The following DMD variants were observed in gnomAD, a reference collection of about 807,000 sequenced individuals.
The protein encoded by DMD is mutant dystrophin.
DMD carries 63 observed loss-of-function variants against 330.1 expected under a neutral mutation model. The ratio of observed to expected loss-of-function variants is 0.19; its 90% confidence interval spans 0.16 to 0.24. DMD has a LOEUF of 0.24. DMD is among the 10% of genes least tolerant of loss of function. DMD has a pLI of 1.00. For missense variants in DMD, 3,344 were observed against 2,684.1 expected (o/e 1.25, Z -5.43); for synonymous variants, 1,223 against 959.8 (o/e 1.27, Z -5.07).
chrX:31,951,439 C>A (rs1249040979), intron 45 of DMD, among the ~76,000 whole-genome samples: 1 of 107,764 alleles, frequency 9.3e-6, no homozygotes, highest in Non-Finnish European at 1.9e-5. Flanking sequence ...TGTATTTTTT[C>A]ACATCTTATT....
chrX:32,280,431 C>T (rs80028273), intron 43 of DMD, among the ~76,000 whole-genome samples: 2 of 109,936 alleles, frequency 1.8e-5, no homozygotes, highest in Non-Finnish European at 3.8e-5. Flanking sequence ...CCTAATTCTA[C>T]CAAGCTCAGA....
At chrX:32,879,021 A>AAAAAAAAAC (rs1352069437) in intron 2 of DMD, among the ~76,000 whole-genome samples, 12 of 101,790 alleles carry the variant, frequency 1.2e-4, no homozygotes, top group Non-Finnish European at 1.8e-4. Flanking sequence ...AAAAAAACAA[A>AAAAAAAAAC]AAACAAAAAA....
chrX:32,870,597 C>G lies in DMD; in HGVS notation c.94-20777G>C, dbSNP rs141633897. 6.1e-3 allele frequency among the ~76,000 whole-genome samples: 679 copies of G among 110,950 alleles called. 1 individual carries two copies. The highest frequency in any genetic ancestry group is 0.021 in the African/African-American group (629 of 30,514). ...ACATAGACCAATGGAACAGAACCAACATCTTGGAAATAAGATCACACATCT... is the reference window on the plus strand; with the variant it reads ...ACATAGACCAATGGAACAGAACCAAGATCTTGGAAATAAGATCACACATCT... On this transcript the variant is annotated intron_variant, in intron 2 of 78. Transcript: ENST00000357033.
chrX:32,656,103 G>T (rs748672148), intron 9 of DMD, among the ~76,000 whole-genome samples: 2 of 112,010 alleles, frequency 1.8e-5, no homozygotes, highest in African/African-American at 6.5e-5. Context: ...TGGCTATCTA[G>T]AAATGTCACT....
At chrX:31,487,281 C>T (rs1446901382) in intron 57 of DMD, among the ~76,000 whole-genome samples, 2 of 104,524 alleles carry the variant, frequency 1.9e-5, no homozygotes, top group East Asian at 6.0e-4. Context: ...TTTTTTGAGA[C>T]GGAGTCTCGC....
At chrX:32,183,476 GTTTTC>G (rs1033450228) in intron 44 of DMD, among the ~76,000 whole-genome samples, 3 of 107,600 alleles carry the variant, frequency 2.8e-5, no homozygotes, top group African/African-American at 1.0e-4. Flanking sequence ...TCAAAATTAT[GTTTTC>G]TTTAATTATT....
At chrX:32,977,962 C>G (rs1261482387) in intron 2 of DMD, among the ~76,000 whole-genome samples, 9 of 111,507 alleles carry the variant, frequency 8.1e-5, no homozygotes, top group African/African-American at 2.9e-4. Context: ...TTCAAAATGC[C>G]AAGTAAAACT....
chrX:32,706,540 G>T (rs1374913737), intron 7 of DMD, among the ~76,000 whole-genome samples: 1 of 109,403 alleles, frequency 9.1e-6, no homozygotes, highest in Admixed American at 9.8e-5. Flanking sequence ...CTCCACCCTG[G>T]GTGAGAGAGT....
chrX:33,044,558 T>C (rs147533530), intron 1 of DMD, among the ~76,000 whole-genome samples: 99 of 112,456 alleles, frequency 8.8e-4, no homozygotes, highest in African/African-American at 2.8e-3. Flanking sequence ...TGCTGGTTTC[T>C]TAAATGACTG....
chrX:33,312,454 T>C (rs187957675), intron 1 of DMD, among the ~76,000 whole-genome samples: 1 of 111,777 alleles, frequency 8.9e-6, no homozygotes, highest in Non-Finnish European at 1.9e-5. Context: ...ACTCATGTCT[T>C]AGAACCCAAA....
chrX:32,596,888 C>T (rs5927086), intron 12 of DMD, among the ~76,000 whole-genome samples: 8,330 of 110,799 alleles, frequency 0.075, 289 homozygotes, highest in Middle Eastern at 0.13. Context: ...TTTTCCCTTC[C>T]GCTCAAACTA....
chrX:32,392,270 A>C (rs966458234), intron 30 of DMD, among the ~76,000 whole-genome samples: 2 of 110,723 alleles, frequency 1.8e-5, no homozygotes, highest in African/African-American at 6.6e-5. Flanking sequence ...TTAGTTATTT[A>C]TGTTTTGAGA....
chrX:33,163,062 C>G (rs1191002198), intron 1 of DMD, among the ~76,000 whole-genome samples: 2 of 111,565 alleles, frequency 1.8e-5, no homozygotes, highest in African/African-American at 6.5e-5. Flanking sequence ...AGACTGCTAT[C>G]CTGCCATGGC....
chrX:31,443,223 T>C (rs2065060454), intron 60 of DMD, among the ~76,000 whole-genome samples: 1 of 111,300 alleles, frequency 9.0e-6, no homozygotes, highest in African/African-American at 3.3e-5. Context: ...TATAACATGG[T>C]GTCCTTCACA....
chrX:32,545,220 G>A lies in DMD; in HGVS notation c.2107C>T (p.Leu703Phe). The change falls in exon 17 of 79, where the codon CTT becomes TTT. Residue 703 changes from leucine (L) to phenylalanine (F), a missense_variant. Physicochemically the swap from Leu to Phe is conservative, Grantham distance 22 (BLOSUM62 0). Coordinates refer to ENST00000357033, the MANE Select transcript of DMD (RefSeq NM_004006.3). ...TTCTTTTGGGGAGGTGGTGGTGGAA[G>A]TTCCTCTTGAGCATGCTTTACCAGG... ...QILVKHAQEE[L>F]PPPPPQKKRQ... is the part of the protein sequence containing the mutation. The A allele has an allele frequency of 8.3e-7, 1 of 1,210,754 alleles. No individual in the cohort carries two copies.
At position 32,334,983 on chromosome X, in the gene DMD, A is replaced by C. The variant is rs186279611; in HGVS notation, c.5922+7117T>G. Among the ~76,000 whole-genome samples, 285 of 111,174 alleles carry C rather than the reference A, an allele frequency of 2.6e-3. 1 individual carries two copies. Among genetic ancestry groups the C allele is most frequent in the African/African-American group, 8.6e-3 (265 of 30,656 alleles). ...TTGGCGTCTTCCATTTCTCAGATGTATCCTTGGACAAATCTCTTAACCTCA... is the reference window on the plus strand; with the variant it reads ...TTGGCGTCTTCCATTTCTCAGATGTCTCCTTGGACAAATCTCTTAACCTCA... On this transcript the variant is annotated intron_variant, in intron 41 of 78. Transcript: ENST00000357033.
intron 44 of DMD, among the ~76,000 whole-genome samples, chrX:32,063,645 T>C (rs1440231918): frequency 4.5e-5 from 5 of 111,315 alleles, no homozygotes; most frequent in Non-Finnish European, 7.6e-5. Context: ...TTATGAATAG[T>C]TTATTACTAT....
intron 44 of DMD, among the ~76,000 whole-genome samples, chrX:32,052,170 C>T (rs1205988410): frequency 9.0e-6 from 1 of 110,917 alleles, no homozygotes; most frequent in Non-Finnish European, 1.9e-5. Context: ...AGTAAATTCC[C>T]CCAATAATTA....
intron 44 of DMD, among the ~76,000 whole-genome samples, chrX:32,011,692 C>T (rs1440520186): frequency 9.0e-6 from 1 of 111,087 alleles, no homozygotes; most frequent in South Asian, 3.8e-4. Context: ...TGCCTCCAGA[C>T]GACTTCAAAT....
Sources: allele counts gnomAD v4.1 joint callset (sites outside exome capture counted in the v4.1 genomes callset), GRCh38; gene constraint gnomAD v4.1.1; transcripts MANE v1.5; gene names NCBI Gene and HGNC (gene_info 2026-07-23, HGNC 2026-07-21).